GSDME: variants seen among roughly 807,000 people sequenced by gnomAD.
The protein encoded by GSDME is gasdermin-E.
In GSDME, 44 loss-of-function variants were observed where a neutral mutation model predicts 47.5. The observed-to-expected ratio is 0.93, with a 90% CI of 0.73 to 1.19. The LOEUF is 1.19. Ranked by LOEUF, GSDME falls within the 50% of genes most tolerant of loss-of-function variation. The probability of loss-of-function intolerance (pLI) is 0.00; values close to 1 mark genes in which losing one functional copy is unlikely to be tolerated. For synonymous variants in GSDME, 258 were observed against 252.8 expected, an observed-to-expected ratio of 1.02 and a Z score of -0.20; for missense variants, 663 against 604.2, an observed-to-expected ratio of 1.10 and a Z score of -1.02.
chr7:24,749,146 C>G lies in GSDME; in HGVS notation c.211+418G>C, dbSNP rs569740463. 2.3e-4 allele frequency among the ~76,000 whole-genome samples: 35 copies of G among 152,226 alleles called. 1 individual carries two copies. The highest frequency in any genetic ancestry group is 3.4e-3 in the Middle Eastern group (1 of 294). ...AAGAAAGGATATGTTTTTAAGATGA[C>G]AAGCAAAGAAACAGGAGAATTCATT... On this transcript the variant is annotated intron_variant, in intron 2 of 9. Coordinates refer to ENST00000645220, the MANE Select transcript of GSDME (RefSeq NM_001127453.2).
the GSDME span, among the ~76,000 whole-genome samples, chr7:24,790,469 C>A: frequency 6.6e-6 from 1 of 152,146 alleles, no homozygotes; most frequent in East Asian, 1.9e-4. This position sits in a 1 kb window ranked among gnomAD's most constrained non-coding sequence, Gnocchi z 4.1. Context: ...TTTTTATGGG[C>A]AGTAGGAAGA....
chr7:24,716,064 G>A lies in GSDME; in HGVS notation c.697+1190C>T, dbSNP rs533632154. Among the ~76,000 whole-genome samples the A allele has an allele frequency of 2.0e-5, 3 of 152,308 alleles. No individual in the cohort carries two copies. The highest frequency in any genetic ancestry group is 4.4e-5 in the Non-Finnish European group (3 of 68,038). On this transcript the variant is annotated intron_variant, in intron 5 of 9. Coordinates refer to ENST00000645220, the MANE Select transcript of GSDME (RefSeq NM_001127453.2). This position sits in a 1 kb window ranked among gnomAD's most constrained non-coding sequence, Gnocchi z 4.5. ...GCGTAGTGACTCATGTGGGCTTAGC[G>A]AGGGCAGGAGCTGTCTCACGGGAGA...
At chr7:24,722,030 G>T (rs1264218889) in intron 3 of GSDME, among the ~76,000 whole-genome samples, 6 of 152,146 alleles carry the variant, frequency 3.9e-5, no homozygotes, top group African/African-American at 1.4e-4. Flanking sequence ...ATTTCCACAG[G>T]ATATTTTTCT....
the GSDME span, among the ~76,000 whole-genome samples, chr7:24,789,364 A>G: frequency 4.0e-5 from 6 of 151,830 alleles, no homozygotes; most frequent in African/African-American, 1.2e-4. Context: ...TTCGGCTGGG[A>G]GCATCGGCAG....
Position 24,705,226 on chromosome 7 carries a change from T to C in GSDME, c.1183+958A>G, listed in dbSNP as rs1417485375. The C allele has an allele frequency of 2.0e-5, 3 of 152,314 alleles. No individual in the cohort carries two copies. The highest frequency in any genetic ancestry group is 2.1e-4 in the South Asian group (1 of 4,826). The allele number at this position is 152,314 out of a possible 1,614,324, so 9.4% of individuals were successfully genotyped here. On this transcript the variant is annotated intron_variant, in intron 8 of 9. Coordinates refer to ENST00000645220, the MANE Select transcript of GSDME (RefSeq NM_001127453.2). This position sits in a 1 kb window ranked among gnomAD's most constrained non-coding sequence, Gnocchi z 4.1. ...AGACTCTAATACCCGGATGTTAACA[T>C]TGGGAGAAAGTCTCTAGTGGAGTTC...
At chr7:24,767,221 G>A in the GSDME span, among the ~76,000 whole-genome samples, 4 of 152,140 alleles carry the variant, frequency 2.6e-5, no homozygotes, top group African/African-American at 4.8e-5. This position sits in a 1 kb window ranked among gnomAD's most constrained non-coding sequence, Gnocchi z 5.3. Flanking sequence ...CTACTCAGGA[G>A]GCTGAGGCAG....
Position 24,712,049 on chromosome 7 carries a change from G to A in GSDME, c.698-1661C>T, listed in dbSNP as rs1789376684. On this transcript the variant is annotated intron_variant, in intron 5 of 9. Transcript: ENST00000645220. The surrounding 1 kb of genome is among the most constrained non-coding windows in gnomAD (Gnocchi z 4.4). ...GGCAGGGCCCCGTATTTGCTGAAAT[G>A]TAGAAGGCATGAGTATTAGCAAATA... 6.6e-6 allele frequency among the ~76,000 whole-genome samples: 1 copy of A among 152,198 alleles called. No homozygotes were observed.
rs1157547784 is a variant in GSDME at position 24,705,258 on chromosome 7, GCT to G, written c.1183+924_1183+925del. The stretch of plus-strand genomic sequence containing the variant: ...AAAGTCTCTAGTGGAGTTCCGCAGG[GCT>G]CTGTCTTATGTCCTGTTTCAGTTTA... On this transcript the variant is annotated intron_variant, in intron 8 of 9. Coordinates refer to ENST00000645220, the MANE Select transcript of GSDME (RefSeq NM_001127453.2). The surrounding 1 kb of genome is among the most constrained non-coding windows in gnomAD (Gnocchi z 4.1). The G allele has an allele frequency of 6.6e-6, 1 of 152,134 alleles. No homozygotes were observed. The highest frequency in any genetic ancestry group is 6.5e-5 in the Admixed American group (1 of 15,272). 9.4% of individuals were successfully genotyped at this position (152,134 alleles called of 1,614,324 possible).
chr7:24,708,293 T>A (rs760098106), intron 6 of GSDME, 39 bp from the exon 7 acceptor site: 1 of 1,612,866 alleles, frequency 6.2e-7, no homozygotes. Flanking sequence ...ATGACTGCGA[T>A]GCACATCTCA....
At chr7:24,757,549 C>T (rs775441756), upstream of GSDME, 12 of 151,462 alleles carry the variant, frequency 7.9e-5, no homozygotes, top group Non-Finnish European at 1.8e-4. The surrounding 1 kb of genome is among the most constrained non-coding windows in gnomAD (Gnocchi z 5.9). Context: ...GCCCCAGAGC[C>T]GCGGGACTGG....
intron 3 of GSDME, among the ~76,000 whole-genome samples, chr7:24,730,813 G>A (rs374915206): frequency 4.6e-5 from 7 of 152,026 alleles, no homozygotes; most frequent in East Asian, 1.9e-4. Context: ...GTGAGACTCC[G>A]TCTCAAAAAA....
intron 1 of GSDME, among the ~76,000 whole-genome samples, chr7:24,755,032 T>C (rs1483926860): frequency 6.6e-6 from 1 of 152,210 alleles, no homozygotes; most frequent in Non-Finnish European, 1.5e-5. Context: ...ATAATAACTC[T>C]TTGAAGTAGG....
intron 9 of GSDME, among the ~76,000 whole-genome samples, chr7:24,702,158 C>A (rs1788895654): frequency 6.6e-6 from 1 of 152,244 alleles, no homozygotes; most frequent in Admixed American, 6.5e-5. Context: ...TCAGGGCAAC[C>A]TGTTGGTGGT....
Position 24,754,565 on chromosome 7 carries a change from GC to G in GSDME, c.-20+2830del, listed in dbSNP as rs1426340454. 6.6e-6 allele frequency among the ~76,000 whole-genome samples: 1 copy of G among 151,906 alleles called. No homozygotes were observed. The highest frequency in any genetic ancestry group is 1.9e-4 in the East Asian group (1 of 5,192). ...CTGAAAGCAGATGAGAACTAAAAAG[GC>G]CAAAGCAAATGCAGTAAGGATATCC... On this transcript the variant is annotated intron_variant, in intron 1 of 9. Coordinates refer to ENST00000645220, the MANE Select transcript of GSDME (RefSeq NM_001127453.2). This position sits in a 1 kb window ranked among gnomAD's most constrained non-coding sequence, Gnocchi z 5.0.
chr7:24,744,510 C>T lies in GSDME; in HGVS notation c.404+52G>A, dbSNP rs1287399706. ...TTTTAACAAAGGTCCAACTGAATGACCTTTAAATGTGAGATGTGTCAAAAT... is the reference window on the plus strand; with the variant it reads ...TTTTAACAAAGGTCCAACTGAATGATCTTTAAATGTGAGATGTGTCAAAAT... On this transcript the variant is annotated intron_variant, in intron 3 of 9. Coordinates refer to ENST00000645220, the MANE Select transcript of GSDME (RefSeq NM_001127453.2). This position sits in a 1 kb window ranked among gnomAD's most constrained non-coding sequence, Gnocchi z 4.5. 1 of 1,590,106 alleles carries T rather than the reference C, an allele frequency of 6.3e-7. No homozygotes were observed. The highest frequency in any genetic ancestry group is 1.3e-5 in the African/African-American group (1 of 74,462).
intron 9 of GSDME, among the ~76,000 whole-genome samples, chr7:24,700,329 A>C (rs1297823981): frequency 6.6e-6 from 1 of 152,146 alleles, no homozygotes; most frequent in Non-Finnish European, 1.5e-5. Flanking sequence ...ATTTGCTTTT[A>C]GGGTCTTGAT....
chr7:24,766,788 G>A, the GSDME span, among the ~76,000 whole-genome samples: 1 of 152,182 alleles, frequency 6.6e-6, no homozygotes, highest in Non-Finnish European at 1.5e-5. This position sits in a 1 kb window ranked among gnomAD's most constrained non-coding sequence, Gnocchi z 4.2. Flanking sequence ...CCTTATGGTA[G>A]AATGATTTAT....
rs761785246 is a variant in GSDME, at chr7:24,702,865, A to G, written c.1184-32T>C. 1.9e-6 allele frequency: 3 copies of G among 1,593,042 alleles called. No homozygotes were observed. The South Asian group carries it at 3.3e-5, about 18-fold the overall frequency. On this transcript the variant is annotated intron_variant, in intron 8 of 9. Coordinates refer to ENST00000645220, the MANE Select transcript of GSDME (RefSeq NM_001127453.2). ...GAGAGAAAAATCACAGTCACAGTCC[A>G]AAAAAACAAGTCCATGGGAACAGAG...
chr7:24,789,666 C>T, the GSDME span, among the ~76,000 whole-genome samples: 11 of 152,232 alleles, frequency 7.2e-5, no homozygotes, highest in Non-Finnish European at 5.9e-5. Context: ...GATTTCATTT[C>T]TGCCTTTTAG....
Sources: allele counts gnomAD v4.1 joint callset (sites outside exome capture counted in the v4.1 genomes callset), GRCh38; gene constraint gnomAD v4.1.1; non-coding constraint Gnocchi (gnomAD v3.1); transcripts MANE v1.5; gene names NCBI Gene and HGNC (gene_info 2026-07-23, HGNC 2026-07-21).